Variants in ASIP observed in about 807,000 individuals in gnomAD.
The protein encoded by ASIP is agouti signaling protein, also known as agouti-signaling protein.
A neutral mutation model predicts 10.3 loss-of-function variants in ASIP; 11 were observed. The observed-to-expected ratio is 1.07, with a 90% confidence interval of 0.68 to 1.78. The LOEUF (loss-of-function observed/expected upper bound fraction) is 1.78, where lower values mean the gene tolerates loss of function less well. Ranked by LOEUF, ASIP falls within the 40% of genes most tolerant of loss-of-function variation. The pLI, the probability that ASIP is intolerant of heterozygous loss-of-function variation, is 0.00. For synonymous variants in ASIP, 70 were observed against 70.8 expected (o/e 0.99, Z 0.06); for missense variants, 180 against 169.2 (o/e 1.06, Z -0.35).
intron 1 of ASIP, among the ~76,000 whole-genome samples, chr20:34,205,949 T>A (rs774954906): frequency 1.6e-4 from 24 of 152,108 alleles, no homozygotes; most frequent in Admixed American, 3.3e-4. Flanking sequence ...CCCAGCCAGC[T>A]TCACCTCTCA....
Position 34,213,465 on chromosome 20 carries a change from A to G in ASIP, c.-11+18705A>G, listed in dbSNP as rs2034987339. 5 of 1,223,788 alleles carry G rather than the reference A, an allele frequency of 4.1e-6. No individual in the cohort carries two copies. The East Asian group carries it at 1.2e-4, about 29-fold the overall frequency. The allele number at this position is 1,223,788 out of a possible 1,614,324, so 75.8% of individuals were successfully genotyped here. A position where few individuals can be genotyped will look rare whatever the true frequency, so the allele number is the denominator to read the frequency against. On this transcript the variant is annotated intron_variant, in intron 1 of 3. Transcript: ENST00000568305. ...TTGAGTCATAGGTAGAGACTGAGACAGTTTTGAAGTGAACACTGAAAAAGT... is the reference window on the plus strand; with the variant it reads ...TTGAGTCATAGGTAGAGACTGAGACGGTTTTGAAGTGAACACTGAAAAAGT...
At chr20:34,194,263 C>A (rs557612475), upstream of ASIP, among the ~76,000 whole-genome samples, 1 of 152,188 alleles carries the variant, frequency 6.6e-6, no homozygotes, top group African/African-American at 2.4e-5. Context: ...TTACTTTCTT[C>A]CCCTGAAAAA....
At chr20:34,215,497 A>G (rs2035001638) in intron 1 of ASIP, 3 of 1,531,048 alleles carry the variant, frequency 2.0e-6, no homozygotes, top group Non-Finnish European at 2.7e-6. Flanking sequence ...ATTTAGGTCC[A>G]CTACTGAGAG....
intron 1 of ASIP, chr20:34,246,573 T>G: frequency 1.3e-6 from 1 of 781,796 alleles, no homozygotes; most frequent in South Asian, 1.4e-5. Flanking sequence ...CAAGCAATCC[T>G]CCCACCTCAG....
At chr20:34,203,873 G>A (rs1254816170) in intron 1 of ASIP, among the ~76,000 whole-genome samples, 7 of 152,016 alleles carry the variant, frequency 4.6e-5, no homozygotes, top group African/African-American at 1.2e-4. Flanking sequence ...ACAGGCACAC[G>A]CCACCATACC....
intron 1 of ASIP, among the ~76,000 whole-genome samples, chr20:34,257,334 T>C (rs2035591368): frequency 6.6e-6 from 1 of 152,098 alleles, no homozygotes; most frequent in Non-Finnish European, 1.5e-5. Flanking sequence ...ATCCATTCGC[T>C]TCAGCCTCCC....
chr20:34,224,969 TG>T (rs1442020223), intron 1 of ASIP, among the ~76,000 whole-genome samples: 4 of 142,608 alleles, frequency 2.8e-5, no homozygotes, highest in African/African-American at 1.1e-4. Flanking sequence ...GGATCCTGCA[TG>T]TTTTTTTTAT....
At chr20:34,242,202 A>ATTTTATTTTATTAT (rs1435259054) in intron 1 of ASIP, among the ~76,000 whole-genome samples, 5 of 151,310 alleles carry the variant, frequency 3.3e-5, no homozygotes, top group African/African-American at 9.7e-5. Flanking sequence ...TTTTTATTTT[A>ATTTTATTTTATTAT]TTTTATTTTA....
At chr20:34,254,345 G>A (rs1029646917) in intron 1 of ASIP, among the ~76,000 whole-genome samples, 2 of 152,242 alleles carry the variant, frequency 1.3e-5, no homozygotes, top group Non-Finnish European at 2.9e-5. Flanking sequence ...TTATAGGCGT[G>A]AGCCACAGGG....
intron 1 of ASIP, among the ~76,000 whole-genome samples, chr20:34,224,142 CT>C (rs1213837214): frequency 9.1e-4 from 135 of 147,606 alleles, no homozygotes; most frequent in African/African-American, 2.9e-3. Context: ...TGTTTATCTG[CT>C]GACCTTCCCT....
intron 1 of ASIP, among the ~76,000 whole-genome samples, chr20:34,206,610 GCT>G (rs748125547): frequency 6.6e-5 from 10 of 151,866 alleles, no homozygotes; most frequent in Non-Finnish European, 1.3e-4. Flanking sequence ...ACAAAGTCTC[GCT>G]CTGTCACCTA....
chr20:34,194,145 G>A (rs1390272041), upstream of ASIP, among the ~76,000 whole-genome samples: 1 of 152,154 alleles, frequency 6.6e-6, no homozygotes, highest in Non-Finnish European at 1.5e-5. Context: ...TTTGATAGTG[G>A]CTGCTCCTGA....
intron 1 of ASIP, among the ~76,000 whole-genome samples, chr20:34,208,942 C>A (rs1437793009): frequency 6.6e-6 from 1 of 152,142 alleles, no homozygotes; most frequent in East Asian, 1.9e-4. Flanking sequence ...TTCTATAATA[C>A]TAATTTTTGT....
chr20:34,252,408 G>A (rs1197348629), intron 1 of ASIP, among the ~76,000 whole-genome samples: 5 of 152,284 alleles, frequency 3.3e-5, no homozygotes, highest in Middle Eastern at 3.4e-3. Flanking sequence ...TCAAGGAAAG[G>A]TACTGTGCCT....
chr20:34,201,038 TTC>T (rs1239554436), intron 1 of ASIP, among the ~76,000 whole-genome samples: 2 of 112,624 alleles, frequency 1.8e-5, no homozygotes, highest in Non-Finnish European at 3.7e-5. Context: ...CTTTCTTTCT[TTC>T]TTTCTTTCTT....
intron 3 of ASIP, 138 bp from the exon 4 acceptor site, chr20:34,268,853 G>A (rs7351624): frequency 9.7e-7 from 1 of 1,030,308 alleles, no homozygotes; most frequent in Non-Finnish European, 1.4e-6. Context: ...GACTGGGGGA[G>A]CGGGCGGTGG....
At chr20:34,204,324 G>C (rs562378484) in intron 1 of ASIP, among the ~76,000 whole-genome samples, 1 of 150,776 alleles carries the variant, frequency 6.6e-6, no homozygotes, top group African/African-American at 2.4e-5. Context: ...GGGTTAAAGC[G>C]ATTCTCCTGC....
At chr20:34,203,497 A>C (rs1951796277) in intron 1 of ASIP, among the ~76,000 whole-genome samples, 1 of 151,920 alleles carries the variant, frequency 6.6e-6, no homozygotes, top group Non-Finnish European at 1.5e-5. Context: ...TCCTGGGTTC[A>C]AGTGATTCTC....
intron 2 of ASIP, among the ~76,000 whole-genome samples, chr20:34,262,392 G>A (rs2035708751): frequency 2.0e-5 from 3 of 152,206 alleles, no homozygotes; most frequent in African/African-American, 7.2e-5. Flanking sequence ...CCTGGCTCCA[G>A]AGCTCTCAGG....
Sources: allele counts gnomAD v4.1 joint callset (sites outside exome capture counted in the v4.1 genomes callset), GRCh38; gene constraint gnomAD v4.1.1; transcripts MANE v1.5; gene names NCBI Gene and HGNC (gene_info 2026-07-23, HGNC 2026-07-21).